The following KIF16B variants were observed in gnomAD, a reference collection of about 807,000 sequenced individuals.
KIF16B encodes the protein kinesin family member 16B, also known as kinesin-like protein KIF16B.
KIF16B carries 98 observed loss-of-function variants against 156.3 expected under a neutral mutation model. The ratio of observed to expected loss-of-function variants is 0.63; its 90% CI spans 0.53 to 0.74. The LOEUF (loss-of-function observed/expected upper bound fraction) is 0.74. Among genes scored for constraint, KIF16B ranks in the 30% least tolerant of loss-of-function variants. The pLI is 0.00. For missense variants in KIF16B, 1,421 were observed against 1,606.5 expected, an observed-to-expected ratio of 0.88 and a Z score of 1.97; for synonymous variants, 564 against 583.7, an observed-to-expected ratio of 0.97 and a Z score of 0.49.
rs114887202 is a variant in KIF16B, at chr20:16,538,133, G to A, written c.48-9693C>T. 4.1e-3 allele frequency among the ~76,000 whole-genome samples: 630 copies of A among 152,202 alleles called. 8 individuals carry two copies. The highest frequency in any genetic ancestry group is 0.014 in the African/African-American group (598 of 41,526). The stretch of plus-strand genomic sequence containing the variant: ...TCACCTGCATAGCTTTATTCCTGCT[G>A]ATGTCATCTCTCCAATTAGTCCAGA... On this transcript the variant is annotated intron_variant, in intron 1 of 25. Coordinates refer to ENST00000354981, the MANE Select transcript of KIF16B (RefSeq NM_024704.5).
At chr20:16,308,061 GA>G (rs2063566827) in intron 25 of KIF16B, among the ~76,000 whole-genome samples, 1 of 151,924 alleles carries the variant, frequency 6.6e-6, no homozygotes, top group African/African-American at 2.4e-5. Flanking sequence ...ATACTTTAAT[GA>G]ATTTGACATA....
chr20:16,314,249 T>G (rs1601550519), intron 24 of KIF16B, among the ~76,000 whole-genome samples: 1 of 152,254 alleles, frequency 6.6e-6, no homozygotes, highest in South Asian at 2.1e-4. Context: ...TGTTCAACTC[T>G]TTTGTCCATT....
rs758387712 is a variant in KIF16B at position 16,526,230 on chromosome 20, AATG to A, written c.118-28_118-26del. 1.6e-5 allele frequency: 22 copies of A among 1,366,980 alleles called. No homozygotes were observed. The Middle Eastern group carries it at 1.3e-3, about 79-fold the overall frequency. 84.7% of individuals were successfully genotyped at this position (1,366,980 alleles called of 1,614,324 possible). On this transcript the variant is annotated intron_variant, in intron 2 of 25. Transcript: ENST00000354981. The stretch of plus-strand genomic sequence containing the variant: ...TCTAGAAAGAAATGATTAGAATAAT[AATG>A]ATAATGTAAAGAGCACTGCCATTTG...
At chr20:16,353,404 AC>A (rs2064377986) in intron 23 of KIF16B, among the ~76,000 whole-genome samples, 1 of 152,214 alleles carries the variant, frequency 6.6e-6, no homozygotes, top group Admixed American at 6.5e-5. Context: ...TCTCATAAAA[AC>A]ATAATTGTAC....
chr20:16,500,867 A>G (rs960829043), intron 10 of KIF16B, among the ~76,000 whole-genome samples: 3 of 152,026 alleles, frequency 2.0e-5, no homozygotes, highest in Non-Finnish European at 4.4e-5. Context: ...TTCTACTTTC[A>G]TCTTCCCTTT....
intron 12 of KIF16B, among the ~76,000 whole-genome samples, chr20:16,453,056 TATAAA>T (rs2146617228): frequency 6.7e-6 from 1 of 148,598 alleles, no homozygotes; most frequent in African/African-American, 2.5e-5. Context: ...CAAGTTCCAA[TATAAA>T]ATATGAAACT....
chr20:16,311,228 C>T (rs1360952121), intron 25 of KIF16B, among the ~76,000 whole-genome samples: 1 of 152,226 alleles, frequency 6.6e-6, no homozygotes, highest in Non-Finnish European at 1.5e-5. Flanking sequence ...GTGGCTCACG[C>T]CTGTGATGCT....
chr20:16,526,001 A>C (rs998519378), intron 3 of KIF16B, 91 bp downstream of exon 3: 19 of 697,334 alleles, frequency 2.7e-5, no homozygotes, highest in Non-Finnish European at 4.4e-5. Context: ...TCAGAAAGAA[A>C]TTGGCAAGAT....
At chr20:16,545,996 A>G (rs2070392372) in intron 1 of KIF16B, among the ~76,000 whole-genome samples, 1 of 152,176 alleles carries the variant, frequency 6.6e-6, no homozygotes, top group Non-Finnish European at 1.5e-5. Context: ...TAGGGAAGGG[A>G]TACTGGTATA....
At chr20:16,433,826 GAAAAAGTAATTTCAGAC>G (rs778387358) in intron 12 of KIF16B, among the ~76,000 whole-genome samples, 76 of 152,050 alleles carry the variant, frequency 5.0e-4, no homozygotes, top group Non-Finnish European at 5.6e-4. Flanking sequence ...TTGCTCAAGC[GAAAAAGTAATTTCAGAC>G]AAAAATATCT....
At chr20:16,423,087 G>A (rs2066265540) in intron 15 of KIF16B, among the ~76,000 whole-genome samples, 1 of 152,032 alleles carries the variant, frequency 6.6e-6, no homozygotes, top group Non-Finnish European at 1.5e-5. Context: ...TTCATTTTAG[G>A]TAAAGCAAGT....
intron 17 of KIF16B, among the ~76,000 whole-genome samples, chr20:16,396,557 C>A (rs2065506823): frequency 6.7e-6 from 1 of 150,374 alleles, no homozygotes; most frequent in South Asian, 2.1e-4. Context: ...TACATCTACA[C>A]ACAGAGAGGG....
chr20:16,361,752 T>C (rs73597765), intron 22 of KIF16B, among the ~76,000 whole-genome samples: 2 of 152,204 alleles, frequency 1.3e-5, no homozygotes, highest in African/African-American at 2.4e-5. Context: ...ATCTTAAGTT[T>C]AGCGGCCTTT....
chr20:16,408,829 T>C (rs972240373), intron 15 of KIF16B, among the ~76,000 whole-genome samples: 1 of 152,118 alleles, frequency 6.6e-6, no homozygotes, highest in African/African-American at 2.4e-5. Context: ...TTAAGGCTGG[T>C]TTCCTTCCCT....
intron 23 of KIF16B, among the ~76,000 whole-genome samples, chr20:16,345,093 G>T (rs548895106): frequency 6.6e-6 from 1 of 152,254 alleles, no homozygotes; most frequent in Admixed American, 6.5e-5. Flanking sequence ...TCTCTCGTCT[G>T]CACTCACTGA....
At chr20:16,333,546 T>A (rs1482561014) in intron 24 of KIF16B, among the ~76,000 whole-genome samples, 1 of 152,250 alleles carries the variant, frequency 6.6e-6, no homozygotes, top group East Asian at 1.9e-4. Context: ...GAAGGTTTTT[T>A]AAAACATGTT....
chr20:16,346,583 T>A (rs2064238564), intron 23 of KIF16B, among the ~76,000 whole-genome samples: 1 of 152,204 alleles, frequency 6.6e-6, no homozygotes, highest in Non-Finnish European at 1.5e-5. Flanking sequence ...CTGGCCCAAA[T>A]CCTGCCTTTT....
intron 24 of KIF16B, among the ~76,000 whole-genome samples, chr20:16,326,960 T>TTATA (rs144605179): frequency 1.2e-3 from 173 of 147,596 alleles, no homozygotes; most frequent in East Asian, 0.012. Flanking sequence ...AAAGAAAATG[T>TTATA]TATATATATA....
At chr20:16,504,049 T>C (rs1465887964) in intron 10 of KIF16B, among the ~76,000 whole-genome samples, 1 of 152,226 alleles carries the variant, frequency 6.6e-6, no homozygotes, top group Admixed American at 6.5e-5. Context: ...TTAAATACTA[T>C]TCTAAGCATA....
Sources: allele counts gnomAD v4.1 joint callset (sites outside exome capture counted in the v4.1 genomes callset), GRCh38; gene constraint gnomAD v4.1.1; transcripts MANE v1.5; gene names NCBI Gene and HGNC (gene_info 2026-07-23, HGNC 2026-07-21).